The following EPAS1 variants were observed in gnomAD, a reference collection of about 807,000 sequenced individuals.
EPAS1 encodes endothelial PAS domain-containing protein 1.
EPAS1 carries 23 observed loss-of-function variants against 87.9 expected under a neutral mutation model. That is an observed-to-expected ratio of 0.26 (90% confidence interval 0.19 to 0.37). EPAS1 has a LOEUF of 0.37. Ranked by LOEUF, EPAS1 falls within the 10% of genes least tolerant of loss-of-function variation. The pLI is 1.00. For missense variants in EPAS1, 1,138 were observed against 1,120.7 expected (o/e 1.02, Z -0.22); for synonymous variants, 508 against 444.3 (o/e 1.14, Z -1.80).
intron 1 of EPAS1, among the ~76,000 whole-genome samples, chr2:46,316,541 A>G (rs148067869): frequency 0.014 from 2,136 of 152,356 alleles, 18 homozygotes; most frequent in Non-Finnish European, 0.022. Flanking sequence ...GATTACAGGC[A>G]TGAGCCACCG....
rs931706463 is a variant in EPAS1, at chr2:46,359,237, G to A, written c.455-1401G>A. Among the ~76,000 whole-genome samples, 12 of 100,316 alleles carry A rather than the reference G, an allele frequency of 1.2e-4. No homozygotes were observed. In the South Asian group the frequency reaches 2.1e-3, roughly 18 times the overall value. 65.8% of individuals were successfully genotyped at this position (100,316 alleles called of 152,430 possible). Reference sequence around the variant, plus strand: ...TCACGCCACTGCACTCCAGCCTGGCGACAGAGCAAGATTCTGTCTCAAAAA... The same window carrying A: ...TCACGCCACTGCACTCCAGCCTGGCAACAGAGCAAGATTCTGTCTCAAAAA... On this transcript the variant is annotated intron_variant, in intron 4 of 15. Transcript: ENST00000263734.
intron 1 of EPAS1, among the ~76,000 whole-genome samples, chr2:46,337,509 C>G (rs1378800589): frequency 2.0e-5 from 3 of 152,188 alleles, no homozygotes; most frequent in Non-Finnish European, 4.4e-5. Flanking sequence ...TTGCTTCATG[C>G]CGAGGAATCC....
chr2:46,363,896 G>T (rs955771702), intron 6 of EPAS1, among the ~76,000 whole-genome samples: 4 of 152,234 alleles, frequency 2.6e-5, no homozygotes, highest in Non-Finnish European at 5.9e-5. Context: ...CACAGAAGTT[G>T]TGTTTAACCG....
chr2:46,382,033 G>A lies in EPAS1; in HGVS notation c.2231G>A (p.Arg744Lys). ...ATGTGGAAACGGATGAAGAACCTCAGGGGTGGGAGCTGCCCTTTGATGCCG... is the reference window on the plus strand; with the variant it reads ...ATGTGGAAACGGATGAAGAACCTCAAGGGTGGGAGCTGCCCTTTGATGCCG... ...HLMWKRMKNLRGGSCPLMPDK... is the reference protein window; with the variant it reads ...HLMWKRMKNLKGGSCPLMPDK... Residue 744 changes from arginine (R) to lysine (K), a missense_variant, in exon 14 of 16, where the codon AGG becomes AAG. Coordinates refer to ENST00000263734, the MANE Select transcript of EPAS1 (RefSeq NM_001430.5). The A allele has an allele frequency of 1.2e-6, 2 of 1,614,070 alleles. No homozygotes were observed. Among genetic ancestry groups the A allele is most frequent in the Non-Finnish European group, 8.5e-7 (1 of 1,180,032 alleles).
At position 46,297,677 on chromosome 2, in the gene EPAS1, C is replaced by A. The variant is rs573644758; in HGVS notation, c.-235C>A. 1.6e-3 allele frequency: 893 copies of A among 560,446 alleles called. 7 individuals carry two copies. Among genetic ancestry groups the A allele is most frequent in the African/African-American group, 0.015 (773 of 49,938 alleles). The allele number at this position is 560,446 out of a possible 1,614,324, so 34.7% of individuals were successfully genotyped here. A position where few individuals can be genotyped will look rare whatever the true frequency, so the allele number is the denominator to read the frequency against. On this transcript the variant is annotated 5_prime_UTR_variant, in exon 1 of 16. Coordinates refer to ENST00000263734, the MANE Select transcript of EPAS1 (RefSeq NM_001430.5). ...TGACAGCCTCCACCCACTCCTTCCC[C>A]GGACCCCGCCTCCGCGCGCAGGTTC...
In EPAS1 at chr2:46,320,151, A is replaced by G. The variant is rs774344681; in HGVS notation, c.26+22214A>G. 3.9e-5 allele frequency among the ~76,000 whole-genome samples: 6 copies of G among 152,208 alleles called. No homozygotes were observed. The South Asian group carries it at 1.0e-3, about 26-fold the overall frequency. On this transcript the variant is annotated intron_variant, in intron 1 of 15. Transcript: ENST00000263734. ...TTATTACACCAAATTCCTTGACTCTATTCCCGAGGAATGAGGATGGGACTA... is the reference window on the plus strand; with the variant it reads ...TTATTACACCAAATTCCTTGACTCTGTTCCCGAGGAATGAGGATGGGACTA...
intron 1 of EPAS1, among the ~76,000 whole-genome samples, chr2:46,333,758 G>A (rs1057093280): frequency 6.6e-6 from 1 of 151,870 alleles, no homozygotes; most frequent in Non-Finnish European, 1.5e-5. Flanking sequence ...ATGGGGGAGC[G>A]ACAAGCTGAA....
intron 1 of EPAS1, among the ~76,000 whole-genome samples, chr2:46,324,022 G>T (rs1683505481): frequency 6.6e-6 from 1 of 152,182 alleles, no homozygotes; most frequent in Admixed American, 6.5e-5. Context: ...TGTCTCATTT[G>T]CTGTTTGTGC....
Position 46,381,585 on chromosome 2 carries a change from G to C in EPAS1, c.2046-11G>C, listed in dbSNP as rs764876452. Reference sequence around the variant, plus strand: ...AGACTCCCTCATAGCCTGCTCTCTCGGGCTTGGCAGGTCTGCAAAGGGTTT... The same window carrying C: ...AGACTCCCTCATAGCCTGCTCTCTCCGGCTTGGCAGGTCTGCAAAGGGTTT... On this transcript the variant is annotated splice_polypyrimidine_tract_variant and intron_variant, in intron 12 of 15. Coordinates refer to ENST00000263734, the MANE Select transcript of EPAS1 (RefSeq NM_001430.5). 6.2e-7 allele frequency: 1 copy of C among 1,613,910 alleles called. No individual in the cohort carries two copies. Among genetic ancestry groups the C allele is most frequent in the Middle Eastern group, 1.6e-4 (1 of 6,062 alleles).
chr2:46,361,544 C>T (rs542163218), intron 6 of EPAS1, among the ~76,000 whole-genome samples: 1 of 152,238 alleles, frequency 6.6e-6, no homozygotes, highest in East Asian at 1.9e-4. Context: ...TTGTTCCTTC[C>T]TGCATGCAAC....
chr2:46,327,184 G>A (rs1311213548), intron 1 of EPAS1, among the ~76,000 whole-genome samples: 1 of 152,164 alleles, frequency 6.6e-6, no homozygotes, highest in Non-Finnish European at 1.5e-5. Context: ...TTATTCTAAA[G>A]TGCCGTGATT....
intron 1 of EPAS1, among the ~76,000 whole-genome samples, chr2:46,305,723 C>CCA (rs397826738): frequency 1.3e-5 from 2 of 151,772 alleles, no homozygotes; most frequent in African/African-American, 4.8e-5. Flanking sequence ...ACTATCCCCC[C>CCA]ATCCCCAGCC....
intron 1 of EPAS1, among the ~76,000 whole-genome samples, chr2:46,316,001 T>TA (rs963490810): frequency 3.3e-5 from 5 of 152,142 alleles, no homozygotes; most frequent in African/African-American, 1.2e-4. Flanking sequence ...GAGATAAAAA[T>TA]AAAAATCACC....
At position 46,377,836 on chromosome 2, in the gene EPAS1, G is replaced by A; in HGVS notation, c.1250-58G>A. ...TCTCTGCGGTTTTTGGGCCTCCTCT[G>A]CCTTGGGGTGAGCCCGATGGTTGTG... On this transcript the variant is annotated intron_variant, in intron 9 of 15. Transcript: ENST00000263734. 4.5e-6 allele frequency: 7 copies of A among 1,551,466 alleles called. No homozygotes were observed. The South Asian group carries it at 7.2e-5, about 16-fold the overall frequency.
intron 4 of EPAS1, among the ~76,000 whole-genome samples, chr2:46,358,846 G>A (rs974321830): frequency 6.6e-6 from 1 of 152,192 alleles, no homozygotes; most frequent in Non-Finnish European, 1.5e-5. Flanking sequence ...AAGCCATGAG[G>A]CAGATTGTGG....
chr2:46,336,097 G>C (rs1683786365), intron 1 of EPAS1, among the ~76,000 whole-genome samples: 1 of 152,256 alleles, frequency 6.6e-6, no homozygotes. Flanking sequence ...GCGCCTGGGA[G>C]AGGAGCAAGG....
intron 1 of EPAS1, among the ~76,000 whole-genome samples, chr2:46,341,449 T>C (rs772298100): frequency 2.6e-5 from 4 of 152,244 alleles, no homozygotes; most frequent in Non-Finnish European, 5.9e-5. Context: ...CATAAAGTTA[T>C]AGGCTTCTCC....
chr2:46,328,711 A>G (rs1447151159), intron 1 of EPAS1, among the ~76,000 whole-genome samples: 1 of 152,232 alleles, frequency 6.6e-6, no homozygotes, highest in Non-Finnish European at 1.5e-5. Context: ...ACGTACCTTC[A>G]GCAATCACTT....
chr2:46,339,870 C>T (rs920859302), intron 1 of EPAS1, among the ~76,000 whole-genome samples: 2 of 152,180 alleles, frequency 1.3e-5, no homozygotes, highest in Admixed American at 6.5e-5. Flanking sequence ...TTCCCCTGGG[C>T]CTCCTTTGCG....
Sources: allele counts gnomAD v4.1 joint callset (sites outside exome capture counted in the v4.1 genomes callset), GRCh38; gene constraint gnomAD v4.1.1; transcripts MANE v1.5; gene names NCBI Gene and HGNC (gene_info 2026-07-23, HGNC 2026-07-21).